The following PPFIBP2 variants were observed in gnomAD, a reference collection of about 807,000 sequenced individuals.
PPFIBP2 encodes the protein liprin-beta-2.
In PPFIBP2, 118 loss-of-function variants were observed where a neutral mutation model predicts 118.3. That is an observed-to-expected ratio of 1.00 (90% CI 0.86 to 1.16). The LOEUF is 1.16. Among genes scored for constraint, PPFIBP2 ranks in the 50% most tolerant of loss-of-function variants. The probability of loss-of-function intolerance (pLI) is 0.00; values close to 1 mark genes in which losing one functional copy is unlikely to be tolerated. For missense variants in PPFIBP2, 1,195 were observed against 1,073.1 expected (o/e 1.11, Z -1.59); for synonymous variants, 414 against 397.4 (o/e 1.04, Z -0.50).
chr11:7,591,870 C>T (rs1343545684), intron 3 of PPFIBP2, among the ~76,000 whole-genome samples: 1 of 152,192 alleles, frequency 6.6e-6, no homozygotes, highest in Non-Finnish European at 1.5e-5. Flanking sequence ...TCTGTTGCCT[C>T]CCTCACCTAT....
At chr11:7,545,235 C>G (rs1852204691) in intron 1 of PPFIBP2, among the ~76,000 whole-genome samples, 1 of 152,082 alleles carries the variant, frequency 6.6e-6, no homozygotes, top group Admixed American at 6.6e-5. Flanking sequence ...TCAAGACCAG[C>G]CTGGCCAACA....
intron 2 of PPFIBP2, among the ~76,000 whole-genome samples, chr11:7,550,902 C>CT (rs1852903333): frequency 6.6e-6 from 1 of 152,130 alleles, no homozygotes; most frequent in Non-Finnish European, 1.5e-5. Context: ...TTCCTGCCCC[C>CT]AAACATCAGA....
chr11:7,567,478 T>A (rs1028142548), intron 3 of PPFIBP2, among the ~76,000 whole-genome samples: 2 of 152,250 alleles, frequency 1.3e-5, no homozygotes, highest in Non-Finnish European at 2.9e-5. Flanking sequence ...TAAAAGTGAT[T>A]GCATTCATAA....
At chr11:7,577,922 C>T (rs1856688956) in intron 3 of PPFIBP2, among the ~76,000 whole-genome samples, 1 of 152,210 alleles carries the variant, frequency 6.6e-6, no homozygotes, top group African/African-American at 2.4e-5. Context: ...CCTAAACAGT[C>T]AGAGGCTCCA....
intron 2 of PPFIBP2, among the ~76,000 whole-genome samples, chr11:7,554,818 T>TGGACTGGACTGGACTGGACTGGACTGGGC (rs1564967123): frequency 8.6e-6 from 1 of 116,586 alleles, no homozygotes; most frequent in Admixed American, 7.8e-5. Flanking sequence ...CTAGACTAGA[T>TGGACTGGACTGGACTGGACTGGACTGGGC]TGGGTCTATA....
chr11:7,587,927 C>T lies in PPFIBP2; in HGVS notation c.280-5205C>T, dbSNP rs553915664. ...TCCATTAAAGCAGGGTGCTGATTCTCTGCCAAGACTGATACAAGTCTTCTC... is the reference window on the plus strand; with the variant it reads ...TCCATTAAAGCAGGGTGCTGATTCTTTGCCAAGACTGATACAAGTCTTCTC... On this transcript the variant is annotated intron_variant, in intron 3 of 23. Transcript: ENST00000299492. Among the ~76,000 whole-genome samples, 3 of 152,338 alleles carry T rather than the reference C, an allele frequency of 2.0e-5. No individual in the cohort carries two copies. In the South Asian group the frequency reaches 6.2e-4, roughly 32 times the overall value.
intron 5 of PPFIBP2, among the ~76,000 whole-genome samples, chr11:7,601,725 C>T (rs1296052127): frequency 6.6e-6 from 1 of 152,184 alleles, no homozygotes; most frequent in African/African-American, 2.4e-5. Context: ...TTTGGGAGGC[C>T]GAGGTGGACG....
chr11:7,542,837 GTTAAA>G (rs928187365), intron 1 of PPFIBP2, among the ~76,000 whole-genome samples: 1 of 152,182 alleles, frequency 6.6e-6, no homozygotes, highest in African/African-American at 2.4e-5. Context: ...TAAATGAGCA[GTTAAA>G]TTAAATGTTT....
At chr11:7,542,023 C>T (rs1564953865) in intron 1 of PPFIBP2, among the ~76,000 whole-genome samples, 1 of 152,190 alleles carries the variant, frequency 6.6e-6, no homozygotes. Flanking sequence ...TTCCTGTGTT[C>T]ACTGCTGCGT....
intron 16 of PPFIBP2, 128 bp from the exon 17 acceptor site, chr11:7,642,170 A>G: frequency 9.4e-7 from 1 of 1,064,408 alleles, no homozygotes; most frequent in Non-Finnish European, 1.4e-6. Flanking sequence ...ATCTCTGGGA[A>G]GGTACGGAGA....
intron 6 of PPFIBP2, among the ~76,000 whole-genome samples, chr11:7,614,344 C>T (rs1357631778): frequency 6.6e-6 from 1 of 152,222 alleles, no homozygotes; most frequent in Non-Finnish European, 1.5e-5. Context: ...CACAGACACA[C>T]ACACTTTCCC....
At chr11:7,615,481 A>G (rs960082842) in intron 6 of PPFIBP2, among the ~76,000 whole-genome samples, 2 of 152,218 alleles carry the variant, frequency 1.3e-5, no homozygotes, top group Non-Finnish European at 2.9e-5. Flanking sequence ...CACTGAGCAG[A>G]GGGATGAAAA....
At chr11:7,554,533 G>A (rs1374791334) in intron 2 of PPFIBP2, among the ~76,000 whole-genome samples, 1 of 152,078 alleles carries the variant, frequency 6.6e-6, no homozygotes, top group Non-Finnish European at 1.5e-5. Flanking sequence ...TGCAAACAGT[G>A]CGGGATGATT....
At chr11:7,518,758 A>G (rs1452274348) in intron 1 of PPFIBP2, among the ~76,000 whole-genome samples, 2 of 152,196 alleles carry the variant, frequency 1.3e-5, no homozygotes, top group East Asian at 1.9e-4. Context: ...GTGAGGGAGA[A>G]GGGAACATGA....
chr11:7,564,729 T>C (rs1163050579), intron 2 of PPFIBP2, among the ~76,000 whole-genome samples: 1 of 152,240 alleles, frequency 6.6e-6, no homozygotes, highest in African/African-American at 2.4e-5. Context: ...CACATGTCTG[T>C]CACCACAGCT....
At chr11:7,635,502 C>T (rs1406669073) in intron 13 of PPFIBP2, 50 bp from the exon 14 acceptor site, 2 of 1,546,026 alleles carry the variant, frequency 1.3e-6, no homozygotes, top group Non-Finnish European at 1.8e-6. Flanking sequence ...TTGTGAATAA[C>T]ACAAGTCTCT....
At chr11:7,647,089 C>G (rs1398853910) in intron 17 of PPFIBP2, among the ~76,000 whole-genome samples, 1 of 152,170 alleles carries the variant, frequency 6.6e-6, no homozygotes, top group African/African-American at 2.4e-5. Context: ...AACATTTGAT[C>G]TAAAATGGGG....
the PPFIBP2 span, among the ~76,000 whole-genome samples, chr11:7,664,924 C>A: frequency 2.0e-5 from 3 of 151,954 alleles, no homozygotes; most frequent in African/African-American, 7.3e-5. Context: ...CTACCATGAC[C>A]CCTAGTGCCA....
intron 1 of PPFIBP2, among the ~76,000 whole-genome samples, chr11:7,543,491 G>A (rs1047023475): frequency 6.6e-6 from 1 of 152,224 alleles, no homozygotes; most frequent in African/African-American, 2.4e-5. Context: ...CTGCTAAGGA[G>A]TCAGGTCTTG....
Sources: gnomAD v4.1 joint callset for allele counts (sites outside exome capture counted in the v4.1 genomes callset) on GRCh38, gnomAD v4.1.1 for gene constraint, MANE v1.5 for transcripts, NCBI Gene and HGNC (gene_info 2026-07-23, HGNC 2026-07-21) for gene names.